The following HS6ST3 variants were observed in gnomAD, a reference collection of about 807,000 sequenced individuals.
HS6ST3 encodes heparan sulfate 6-O-sulfotransferase 3.
HS6ST3 carries 12 observed loss-of-function variants against 36.7 expected under a neutral mutation model. The observed-to-expected ratio is 0.33, with a 90% CI of 0.21 to 0.53. The LOEUF (loss-of-function observed/expected upper bound fraction) is 0.53. HS6ST3 is among the 20% of genes least tolerant of loss of function. The pLI, the probability that HS6ST3 is intolerant of heterozygous loss-of-function variation, is 0.95. For missense variants in HS6ST3, 584 were observed against 640.9 expected, an observed-to-expected ratio of 0.91 and a Z score of 0.96; for synonymous variants, 240 against 257.5, an observed-to-expected ratio of 0.93 and a Z score of 0.65.
At chr13:96,206,083 G>A (rs948247827) in intron 1 of HS6ST3, among the ~76,000 whole-genome samples, 1 of 152,016 alleles carries the variant, frequency 6.6e-6, no homozygotes, top group Non-Finnish European at 1.5e-5. Context: ...CAGCCCAAAA[G>A]CTTCTTAAGC....
At chr13:96,769,898 A>T (rs1243132747) in intron 1 of HS6ST3, among the ~76,000 whole-genome samples, 1 of 152,156 alleles carries the variant, frequency 6.6e-6, no homozygotes, top group Non-Finnish European at 1.5e-5. Flanking sequence ...ATTTAAAATA[A>T]TCTAGTTATT....
At chr13:96,718,498 A>G (rs1194780024) in intron 1 of HS6ST3, among the ~76,000 whole-genome samples, 1 of 152,212 alleles carries the variant, frequency 6.6e-6, no homozygotes, top group Non-Finnish European at 1.5e-5. Flanking sequence ...GGCAAAAAAG[A>G]AATTGGATGC....
chr13:96,468,371 C>A (rs1391481892), intron 1 of HS6ST3, among the ~76,000 whole-genome samples: 1 of 151,874 alleles, frequency 6.6e-6, no homozygotes, highest in African/African-American at 2.4e-5. Context: ...AATAAGAGCA[C>A]AGAAATGGAA....
intron 1 of HS6ST3, among the ~76,000 whole-genome samples, chr13:96,626,365 T>C (rs762290535): frequency 6.6e-6 from 1 of 152,208 alleles, no homozygotes; most frequent in Non-Finnish European, 1.5e-5. Flanking sequence ...CAGTACTACT[T>C]ATTGAAAAAT....
intron 1 of HS6ST3, among the ~76,000 whole-genome samples, chr13:96,299,533 C>T (rs142236226): frequency 2.8e-4 from 43 of 152,216 alleles, no homozygotes; most frequent in Non-Finnish European, 5.4e-4. Context: ...AACAATGGAA[C>T]AGAGTGGGAA....
intron 1 of HS6ST3, 123 bp from the exon 2 acceptor site, chr13:96,832,367 A>G (rs1878819572): frequency 1.5e-6 from 1 of 676,756 alleles, no homozygotes. Flanking sequence ...ATGCAGGCGA[A>G]TACTCTCACA....
At chr13:96,173,981 T>C (rs2054201052) in intron 1 of HS6ST3, among the ~76,000 whole-genome samples, 1 of 152,058 alleles carries the variant, frequency 6.6e-6, no homozygotes, top group Admixed American at 6.6e-5. Flanking sequence ...CACTGTGTTT[T>C]GGGCATCAAA....
rs147046851 is a variant in HS6ST3, at chr13:96,558,899, T to G, written c.708-273591T>G. ...CACACACAGATTGGTGAATATTAAT[T>G]AACTGTTGGGCAAGATTCATTCTGA... On this transcript the variant is annotated intron_variant, in intron 1 of 1. Coordinates refer to ENST00000376705, the MANE Select transcript of HS6ST3 (RefSeq NM_153456.4). Among the ~76,000 whole-genome samples, 779 of 152,260 alleles carry G rather than the reference T, an allele frequency of 5.1e-3. 7 individuals carry two copies. Among genetic ancestry groups the G allele is most frequent in the African/African-American group, 0.017 (723 of 41,548 alleles).
At chr13:96,488,899 T>C (rs931702647) in intron 1 of HS6ST3, among the ~76,000 whole-genome samples, 3 of 152,020 alleles carry the variant, frequency 2.0e-5, no homozygotes, top group African/African-American at 4.8e-5. Flanking sequence ...GCATTTTTTT[T>C]CTACTTCTTG....
intron 1 of HS6ST3, among the ~76,000 whole-genome samples, chr13:96,675,568 T>A (rs771601919): frequency 6.6e-6 from 1 of 152,170 alleles, no homozygotes; most frequent in Non-Finnish European, 1.5e-5. Flanking sequence ...AATGTCCTAC[T>A]GGAGGGTTCT....
intron 1 of HS6ST3, among the ~76,000 whole-genome samples, chr13:96,785,522 C>T (rs1317988969): frequency 6.6e-6 from 1 of 152,188 alleles, no homozygotes; most frequent in Non-Finnish European, 1.5e-5. Flanking sequence ...TCTGAGCTGC[C>T]TGTCTCCTGG....
chr13:96,146,540 A>G (rs1380683724), intron 1 of HS6ST3, among the ~76,000 whole-genome samples: 1 of 152,182 alleles, frequency 6.6e-6, no homozygotes, highest in Non-Finnish European at 1.5e-5. Context: ...GAAAACCCTG[A>G]TGTTCAAAGA....
intron 1 of HS6ST3, among the ~76,000 whole-genome samples, chr13:96,600,037 G>GT (rs1407616747): frequency 6.6e-6 from 1 of 152,008 alleles, no homozygotes; most frequent in East Asian, 1.9e-4. Context: ...ATTGAGACTT[G>GT]TTTTGTGGCT....
chr13:96,363,102 A>C (rs982394322), intron 1 of HS6ST3, among the ~76,000 whole-genome samples: 5 of 152,104 alleles, frequency 3.3e-5, no homozygotes, highest in Non-Finnish European at 7.4e-5. Context: ...ACAAACCTAT[A>C]CATGTGATCG....
intron 1 of HS6ST3, among the ~76,000 whole-genome samples, chr13:96,756,790 ATATC>A (rs574094893): frequency 4.7e-4 from 71 of 152,322 alleles, no homozygotes; most frequent in African/African-American, 1.3e-3. Flanking sequence ...TGCTTGCTGC[ATATC>A]TATCTATCTG....
rs748244304 is a variant in HS6ST3 at position 96,218,596 on chromosome 13, G to A, written c.707+127027G>A. On this transcript the variant is annotated intron_variant, in intron 1 of 1. Coordinates refer to ENST00000376705, the MANE Select transcript of HS6ST3 (RefSeq NM_153456.4). ...ACAAACATTAGGGCCATATTTAAAA[G>A]CATAAGCCAGTAAGTGGCCAGAGAT... Among the ~76,000 whole-genome samples the A allele has an allele frequency of 5.3e-4, 80 of 152,182 alleles. 2 individuals are homozygous for A. Among genetic ancestry groups the A allele is most frequent in the Non-Finnish European group, 2.1e-4 (14 of 68,038 alleles).
At chr13:96,735,630 C>T (rs1876264345) in intron 1 of HS6ST3, among the ~76,000 whole-genome samples, 1 of 152,192 alleles carries the variant, frequency 6.6e-6, no homozygotes, top group Non-Finnish European at 1.5e-5. Context: ...TCTACCTTTC[C>T]TCGTATTTCC....
At chr13:96,526,191 G>A (rs931308843) in intron 1 of HS6ST3, among the ~76,000 whole-genome samples, 1 of 152,140 alleles carries the variant, frequency 6.6e-6, no homozygotes, top group Non-Finnish European at 1.5e-5. Flanking sequence ...GGAAGATGAA[G>A]ATGAAGGTGG....
intron 1 of HS6ST3, among the ~76,000 whole-genome samples, chr13:96,369,492 C>G (rs1290859813): frequency 6.6e-6 from 1 of 152,194 alleles, no homozygotes; most frequent in Non-Finnish European, 1.5e-5. Flanking sequence ...ATGTTTTGAG[C>G]TGCCACTGAA....
Sources: allele counts gnomAD v4.1 joint callset (sites outside exome capture counted in the v4.1 genomes callset), GRCh38; gene constraint gnomAD v4.1.1; transcripts MANE v1.5; gene names NCBI Gene and HGNC (gene_info 2026-07-23, HGNC 2026-07-21).